The following LINC00237 variants were observed in gnomAD, a reference collection of about 807,000 sequenced individuals.
LINC00237 encodes long intergenic non-protein coding RNA 237.
At chr20:21,096,341 C>T (rs1191360568) in intron 1 of LINC00237, among the ~76,000 whole-genome samples, 2 of 152,212 alleles carry the variant, frequency 1.3e-5, no homozygotes, top group Non-Finnish European at 2.9e-5. Flanking sequence ...CAGTACATGA[C>T]TCTCATTAGT....
chr20:21,094,313 C>A (rs2030828779), intron 1 of LINC00237, among the ~76,000 whole-genome samples: 1 of 152,180 alleles, frequency 6.6e-6, no homozygotes. Flanking sequence ...TGTTGAGACT[C>A]CACTATGTAC....
intron 1 of LINC00237, among the ~76,000 whole-genome samples, chr20:21,098,035 T>A (rs1277065692): frequency 6.6e-6 from 1 of 152,160 alleles, no homozygotes; most frequent in Admixed American, 6.5e-5. Context: ...TGAAAAATAG[T>A]CAAACAAATG....
chr20:21,086,625 A>ATATAGTAAACTATATATG (rs1555861035), intron 3 of LINC00237, among the ~76,000 whole-genome samples: 718 of 21,694 alleles, frequency 0.033, 16 homozygotes, highest in South Asian at 0.093. Context: ...AGTATACTAT[A>ATATAGTAAACTATATATG]TATAGTATAC....
At chr20:21,092,129 A>G (rs1240950238) in intron 2 of LINC00237, among the ~76,000 whole-genome samples, 2 of 152,216 alleles carry the variant, frequency 1.3e-5, no homozygotes, top group Non-Finnish European at 2.9e-5. Flanking sequence ...TACTCCACCC[A>G]GTGTTCAAGG....
intron 2 of LINC00237, among the ~76,000 whole-genome samples, chr20:21,088,497 T>C (rs2122167003): frequency 6.6e-6 from 1 of 152,352 alleles, no homozygotes; most frequent in Middle Eastern, 3.4e-3. Context: ...GCTCCAGCTA[T>C]TCTTTCTCAG....
Position 21,099,070 on chromosome 20 carries a change from C to T in LINC00237, n.89-5218G>A, listed in dbSNP as rs1019521772. Among the ~76,000 whole-genome samples the T allele has an allele frequency of 5.3e-5, 8 of 152,222 alleles. No individual in the cohort carries two copies. In the South Asian group the frequency reaches 6.2e-4, roughly 12 times the overall value. On this transcript the variant is annotated intron_variant and non_coding_transcript_variant, in intron 1 of 3. Transcript: ENST00000691244. Reference sequence around the variant, plus strand: ...ACACAGCAGCCTCATTCTACAAGTGCCTCCTTTCCAGTTTGGGCCAACTCA... The same window carrying T: ...ACACAGCAGCCTCATTCTACAAGTGTCTCCTTTCCAGTTTGGGCCAACTCA...
intron 1 of LINC00237, among the ~76,000 whole-genome samples, chr20:21,096,532 T>C (rs1339972875): frequency 6.6e-6 from 1 of 152,178 alleles, no homozygotes; most frequent in Non-Finnish European, 1.5e-5. Context: ...ATAGAATAAA[T>C]GATGACGAGT....
chr20:21,086,753 T>TATATATAC (rs1350957367), intron 3 of LINC00237, among the ~76,000 whole-genome samples: 5 of 123,118 alleles, frequency 4.1e-5, no homozygotes, highest in Non-Finnish European at 8.2e-5. Flanking sequence ...ACATGTACTA[T>TATATATAC]ATATATACAT....
chr20:21,088,875 C>T (rs1196046482), intron 2 of LINC00237, among the ~76,000 whole-genome samples: 1 of 151,946 alleles, frequency 6.6e-6, no homozygotes, highest in Non-Finnish European at 1.5e-5. Context: ...TCAACATGTT[C>T]GGTGCTCTGA....
chr20:21,105,626 C>G (rs1249156248), intron 1 of LINC00237, among the ~76,000 whole-genome samples: 1 of 152,206 alleles, frequency 6.6e-6, no homozygotes, highest in African/African-American at 2.4e-5. Flanking sequence ...ACGCCTGAGC[C>G]CCCCTAAACG....
intron 2 of LINC00237, among the ~76,000 whole-genome samples, chr20:21,091,060 C>CGTGTGTGT (rs57771489): frequency 2.7e-5 from 4 of 147,246 alleles, no homozygotes; most frequent in East Asian, 2.0e-4. Flanking sequence ...TGTGTGTGTG[C>CGTGTGTGT]GTGTGTGTGT....
intron 1 of LINC00237, among the ~76,000 whole-genome samples, chr20:21,100,781 C>A (rs1403609176): frequency 2.0e-5 from 3 of 152,128 alleles, no homozygotes; most frequent in Admixed American, 2.0e-4. Context: ...AAACGCCGGG[C>A]GGTTTCTGCA....
At chr20:21,089,699 C>A (rs977763764) in intron 2 of LINC00237, 1 of 152,084 alleles carries the variant, frequency 6.6e-6, no homozygotes, top group Admixed American at 6.5e-5. Context: ...TAATCTCAGC[C>A]GACTGGGGAG....
intron 1 of LINC00237, among the ~76,000 whole-genome samples, chr20:21,102,409 AG>A (rs2030943932): frequency 6.6e-6 from 1 of 152,170 alleles, no homozygotes; most frequent in Non-Finnish European, 1.5e-5. Context: ...CCCAGTGTCA[AG>A]GAAGGAGAAA....
chr20:21,086,641 A>AC lies in LINC00237; in HGVS notation n.560-754_560-753insG, dbSNP rs2030702767. Among the ~76,000 whole-genome samples, 5 of 134,644 alleles carry AC rather than the reference A, an allele frequency of 3.7e-5. 1 individual carries two copies. Among genetic ancestry groups the AC allele is most frequent in the African/African-American group, 1.4e-4 (5 of 36,260 alleles). The allele number at this position is 134,644 out of a possible 152,430, so 88.3% of individuals were successfully genotyped here. On this transcript the variant is annotated intron_variant and non_coding_transcript_variant, in intron 3 of 3. Transcript: ENST00000691244. The stretch of plus-strand genomic sequence containing the variant: ...GTATACTATATATAGTATACTATAT[A>AC]TAGTATACTATATATGTATAGTATA...
In LINC00237 at chr20:21,086,685, A is replaced by ATATGTATAGTATACTATATATGTATAC. The variant is rs374333750; in HGVS notation, n.560-798_560-797insGTATACATATATAGTATACTATACATA. On this transcript the variant is annotated intron_variant and non_coding_transcript_variant, in intron 3 of 3. Coordinates refer to ENST00000691244, the Ensembl canonical transcript of LINC00237. ...TAGTATACTATATATAGTATACTAC[A>ATATGTATAGTATACTATATATGTATAC]TATACATATGTAGTATACTATATAT... is the stretch of plus-strand genomic sequence containing the variant. 2.1e-5 allele frequency among the ~76,000 whole-genome samples: 2 copies of ATATGTATAGTATACTATATATGTATAC among 94,980 alleles called. 1 individual carries two copies. Among genetic ancestry groups the ATATGTATAGTATACTATATATGTATAC allele is most frequent in the African/African-American group, 1.0e-4 (2 of 19,950 alleles). 62.3% of individuals were successfully genotyped at this position (94,980 alleles called of 152,430 possible). A position where few individuals can be genotyped will look rare whatever the true frequency, so the allele number is the denominator to read the frequency against.
chr20:21,091,050 TGTGTGTGTGC>T (rs1205283944), intron 2 of LINC00237, among the ~76,000 whole-genome samples: 1 of 150,798 alleles, frequency 6.6e-6, no homozygotes, highest in Non-Finnish European at 1.5e-5. Flanking sequence ...AATGTGCGTG[TGTGTGTGTGC>T]GTGTGTGTGT....
chr20:21,097,933 C>A (rs961460553), intron 1 of LINC00237, among the ~76,000 whole-genome samples: 2 of 152,178 alleles, frequency 1.3e-5, no homozygotes, highest in Non-Finnish European at 2.9e-5. Context: ...CTCAACATTT[C>A]CATGTTCTGT....
At chr20:21,100,320 G>A (rs556749980) in intron 1 of LINC00237, among the ~76,000 whole-genome samples, 6 of 152,332 alleles carry the variant, frequency 3.9e-5, no homozygotes, top group Admixed American at 3.3e-4. Flanking sequence ...CACGAGCCGG[G>A]ACCAGTAATG....
Sources: gnomAD v4.1 joint callset for allele counts (sites outside exome capture counted in the v4.1 genomes callset) on GRCh38, gnomAD v4.1.1 for gene constraint, MANE v1.5 for transcripts, NCBI Gene and HGNC (gene_info 2026-07-23, HGNC 2026-07-21) for gene names.